The following AFG1L variants were observed in gnomAD, a reference collection of about 807,000 sequenced individuals.
AFG1L encodes AFG1 like ATPase.
AFG1L carries 53 observed loss-of-function variants against 62.2 expected under a neutral mutation model. The ratio of observed to expected loss-of-function variants is 0.85; its 90% CI spans 0.68 to 1.07. The LOEUF is 1.07. AFG1L is among the 50% of genes least tolerant of loss of function. AFG1L has a pLI of 0.00. For synonymous variants in AFG1L, 228 were observed against 210.3 expected (o/e 1.08, Z -0.73); for missense variants, 555 against 590.5 (o/e 0.94, Z 0.62).
chr6:108,452,186 T>C (rs1772083276), intron 8 of AFG1L, among the ~76,000 whole-genome samples: 1 of 152,212 alleles, frequency 6.6e-6, no homozygotes, highest in African/African-American at 2.4e-5. Flanking sequence ...ATCTCATGCT[T>C]ACAGAGAATT....
At chr6:108,441,033 A>G (rs769639016) in intron 7 of AFG1L, among the ~76,000 whole-genome samples, 10 of 152,230 alleles carry the variant, frequency 6.6e-5, no homozygotes, top group African/African-American at 9.6e-5. Flanking sequence ...CCAAATTTCT[A>G]TGATAAGTGA....
chr6:108,512,768 C>T (rs1774705866), intron 11 of AFG1L, among the ~76,000 whole-genome samples: 1 of 150,872 alleles, frequency 6.6e-6, no homozygotes, highest in African/African-American at 2.4e-5. Flanking sequence ...ATTCAAACTA[C>T]CCTCCTAACA....
At chr6:108,406,097 G>A (rs983602016) in intron 7 of AFG1L, among the ~76,000 whole-genome samples, 1 of 152,134 alleles carries the variant, frequency 6.6e-6, no homozygotes, top group African/African-American at 2.4e-5. Context: ...GAACATTTGT[G>A]TACAAATATC....
intron 8 of AFG1L, among the ~76,000 whole-genome samples, chr6:108,466,002 A>G (rs1266180784): frequency 6.6e-6 from 1 of 152,178 alleles, no homozygotes; most frequent in Non-Finnish European, 1.5e-5. Context: ...GGCATGAGTC[A>G]CTACACTATG....
intron 1 of AFG1L, among the ~76,000 whole-genome samples, chr6:108,314,396 CTTT>C (rs779796652): frequency 7.1e-6 from 1 of 140,646 alleles, no homozygotes; most frequent in Middle Eastern, 3.4e-3. Flanking sequence ...TCTGCTTCTT[CTTT>C]TTTTTTTTTT....
intron 1 of AFG1L, among the ~76,000 whole-genome samples, chr6:108,317,539 A>G (rs1777652182): frequency 6.6e-6 from 1 of 152,214 alleles, no homozygotes; most frequent in African/African-American, 2.4e-5. Context: ...TATTTGTAGA[A>G]GCAGTTGGAG....
chr6:108,501,032 C>T (rs1774175632), intron 10 of AFG1L, among the ~76,000 whole-genome samples: 2 of 151,716 alleles, frequency 1.3e-5, no homozygotes, highest in African/African-American at 4.8e-5. Context: ...CTTGCTCTGT[C>T]GCCCAGGCTG....
chr6:108,400,299 C>T (rs992948734), intron 6 of AFG1L, among the ~76,000 whole-genome samples: 2 of 151,750 alleles, frequency 1.3e-5, no homozygotes, highest in Admixed American at 6.6e-5. Flanking sequence ...CAGTTTTCCC[C>T]CATTTCGTAT....
chr6:108,382,524 G>A (rs1267748627), intron 6 of AFG1L, among the ~76,000 whole-genome samples: 2 of 151,964 alleles, frequency 1.3e-5, no homozygotes, highest in Non-Finnish European at 2.9e-5. Context: ...CTTCTAGGGG[G>A]AAAAAATACA....
chr6:108,470,630 A>G (rs1014914311), intron 8 of AFG1L, among the ~76,000 whole-genome samples: 2 of 152,194 alleles, frequency 1.3e-5, no homozygotes, highest in African/African-American at 4.8e-5. Context: ...CAAATTCCCC[A>G]TTGTGGGACA....
intron 1 of AFG1L, among the ~76,000 whole-genome samples, chr6:108,318,914 C>T (rs1350518530): frequency 1.3e-5 from 2 of 152,084 alleles, no homozygotes; most frequent in African/African-American, 4.8e-5. Context: ...TTTAATGCAG[C>T]TTTTGAGAAG....
At chr6:108,429,673 T>C (rs1049098785) in intron 7 of AFG1L, among the ~76,000 whole-genome samples, 10 of 152,340 alleles carry the variant, frequency 6.6e-5, no homozygotes, top group South Asian at 2.1e-4. Context: ...TTTTGGTTAC[T>C]ATAGCCTTGC....
intron 5 of AFG1L, among the ~76,000 whole-genome samples, chr6:108,365,035 T>C (rs1779697858): frequency 6.6e-6 from 1 of 152,194 alleles, no homozygotes; most frequent in African/African-American, 2.4e-5. Context: ...TTTGATTTAA[T>C]TGAAAGAATT....
At chr6:108,414,690 T>C (rs1283706197) in intron 7 of AFG1L, among the ~76,000 whole-genome samples, 2 of 152,138 alleles carry the variant, frequency 1.3e-5, no homozygotes, top group African/African-American at 4.8e-5. Flanking sequence ...ATCTCAATAG[T>C]TGCAGAAAAG....
intron 8 of AFG1L, among the ~76,000 whole-genome samples, chr6:108,470,436 T>C (rs897368755): frequency 7.2e-5 from 11 of 152,222 alleles, no homozygotes; most frequent in Non-Finnish European, 1.5e-4. Flanking sequence ...TGAGGGCTTA[T>C]ATAGACCTAG....
At chr6:108,376,998 T>C (rs1780275896) in intron 6 of AFG1L, among the ~76,000 whole-genome samples, 4 of 152,216 alleles carry the variant, frequency 2.6e-5, no homozygotes, top group Admixed American at 2.6e-4. Context: ...CCCTTCTTTG[T>C]ATGTTTTTGC....
intron 8 of AFG1L, among the ~76,000 whole-genome samples, chr6:108,450,832 C>T (rs902656247): frequency 5.9e-5 from 9 of 151,886 alleles, no homozygotes; most frequent in Non-Finnish European, 7.4e-5. Context: ...AGCCAGTTTT[C>T]CCAGAACCTT....
intron 10 of AFG1L, among the ~76,000 whole-genome samples, chr6:108,509,980 C>T (rs548725798): frequency 3.9e-5 from 6 of 152,098 alleles, no homozygotes; most frequent in Non-Finnish European, 8.8e-5. Context: ...TAAGCTCACT[C>T]GTTATGCATG....
At chr6:108,331,139 T>G (rs576632249) in intron 2 of AFG1L, among the ~76,000 whole-genome samples, 1 of 151,576 alleles carries the variant, frequency 6.6e-6, no homozygotes, top group African/African-American at 2.4e-5. Context: ...AAAAAAAAAT[T>G]AGCTAGGCAT....
Sources: gnomAD v4.1 joint callset for allele counts (sites outside exome capture counted in the v4.1 genomes callset) on GRCh38, gnomAD v4.1.1 for gene constraint, MANE v1.5 for transcripts, NCBI Gene and HGNC (gene_info 2026-07-23, HGNC 2026-07-21) for gene names.